PITPNC1: variants seen among roughly 807,000 people sequenced by gnomAD.
PITPNC1 encodes the protein cytoplasmic phosphatidylinositol transfer protein 1.
In PITPNC1, 18 loss-of-function variants were observed where a neutral mutation model predicts 44.7. The ratio of observed to expected loss-of-function variants is 0.40; its 90% CI spans 0.28 to 0.60. The LOEUF is 0.60. PITPNC1 is among the 20% of genes least tolerant of loss of function. The probability of loss-of-function intolerance (pLI) is 0.39; values close to 1 mark genes in which losing one functional copy is unlikely to be tolerated. For synonymous variants in PITPNC1, 141 were observed against 149.6 expected (o/e 0.94, Z 0.42); for missense variants, 290 against 418.4 (o/e 0.69, Z 2.68).
chr17:67,449,067 A>G (rs1362276348), intron 1 of PITPNC1, among the ~76,000 whole-genome samples: 1 of 152,232 alleles, frequency 6.6e-6, no homozygotes, highest in Admixed American at 6.5e-5. Context: ...ATGCTCAGCC[A>G]GGTACATTGA....
chr17:67,578,153 T>G (rs780340869), intron 4 of PITPNC1, 33 bp from the exon 5 acceptor site: 81 of 1,427,520 alleles, frequency 5.7e-5, no homozygotes, highest in Admixed American at 1.5e-4. Context: ...AGAAAAAATG[T>G]TATGCTAATG....
chr17:67,668,955 G>A (rs988831976), intron 6 of PITPNC1, among the ~76,000 whole-genome samples: 1 of 152,076 alleles, frequency 6.6e-6, no homozygotes, highest in Admixed American at 6.5e-5. Context: ...GTGGTTTTTC[G>A]CATATGCACA....
intron 1 of PITPNC1, chr17:67,471,562 G>T: frequency 5.2e-6 from 2 of 382,810 alleles, no homozygotes; most frequent in South Asian, 4.0e-5. Flanking sequence ...AATTACTTTT[G>T]CACCAACCTA....
chr17:67,383,111 T>C (rs2037989625), intron 1 of PITPNC1, among the ~76,000 whole-genome samples: 1 of 151,946 alleles, frequency 6.6e-6, no homozygotes, highest in South Asian at 2.1e-4. Flanking sequence ...TTCTCCTGCC[T>C]CAGCCTCCAG....
intron 1 of PITPNC1, among the ~76,000 whole-genome samples, chr17:67,391,372 AAC>A (rs762905294): frequency 3.9e-5 from 6 of 152,062 alleles, no homozygotes; most frequent in Admixed American, 1.3e-4. Context: ...CAGGCACAAA[AAC>A]ACACACATTC....
intron 1 of PITPNC1, among the ~76,000 whole-genome samples, chr17:67,488,581 A>G (rs2039816619): frequency 6.6e-6 from 1 of 152,256 alleles, no homozygotes; most frequent in South Asian, 2.1e-4. Context: ...AAATGGAGAT[A>G]AGACATGTAA....
intron 1 of PITPNC1, among the ~76,000 whole-genome samples, chr17:67,502,392 T>C (rs376749197): frequency 2.0e-5 from 3 of 152,166 alleles, no homozygotes; most frequent in Admixed American, 1.3e-4. Context: ...TTGGTTTAGA[T>C]GTATGCAAGT....
In PITPNC1 at chr17:67,445,583, C is replaced by T. The variant is rs114707874; in HGVS notation, c.48+67381C>T. On this transcript the variant is annotated intron_variant, in intron 1 of 8. Transcript: ENST00000581322. ...CCTTTAGTAGCAAAAGGAATTGTGA[C>T]AGGTGCATTTAAAGAAACTGTTACC... Among the ~76,000 whole-genome samples the T allele has an allele frequency of 3.5e-3, 533 of 152,126 alleles. 1 individual carries two copies. Among genetic ancestry groups the T allele is most frequent in the African/African-American group, 0.012 (484 of 41,524 alleles).
intron 5 of PITPNC1, among the ~76,000 whole-genome samples, chr17:67,614,823 G>A (rs1216565654): frequency 6.6e-6 from 1 of 151,938 alleles, no homozygotes; most frequent in African/African-American, 2.4e-5. Flanking sequence ...GAGCAGCCTG[G>A]GGAATATAGT....
At chr17:67,661,977 A>G (rs2042355134) in intron 6 of PITPNC1, among the ~76,000 whole-genome samples, 1 of 147,340 alleles carries the variant, frequency 6.8e-6, no homozygotes, top group Non-Finnish European at 1.5e-5. Flanking sequence ...CCTAGGCAAC[A>G]AAGTGCGACT....
chr17:67,550,017 C>T (rs952924453), intron 2 of PITPNC1, among the ~76,000 whole-genome samples: 2 of 152,138 alleles, frequency 1.3e-5, no homozygotes, highest in African/African-American at 2.4e-5. Flanking sequence ...ATTTCCTGCA[C>T]GCGAGCCAGT....
chr17:67,464,833 G>A (rs1162455507), intron 1 of PITPNC1, among the ~76,000 whole-genome samples: 6 of 151,568 alleles, frequency 4.0e-5, no homozygotes, highest in African/African-American at 1.5e-4. Context: ...TCTGCCTCTC[G>A]GGTCCAAGCA....
intron 1 of PITPNC1, chr17:67,379,121 G>C (rs1274074292): frequency 1.0e-6 from 1 of 985,876 alleles, no homozygotes; most frequent in Non-Finnish European, 1.2e-6. Context: ...CACGACTGCT[G>C]AGCGTCTCTG....
At chr17:67,512,231 G>T (rs1263407295) in intron 1 of PITPNC1, among the ~76,000 whole-genome samples, 1 of 152,194 alleles carries the variant, frequency 6.6e-6, no homozygotes. Flanking sequence ...GGGTGCAGTG[G>T]CTCACGCCTG....
intron 1 of PITPNC1, among the ~76,000 whole-genome samples, chr17:67,425,504 A>C (rs1598646168): frequency 1.0e-4 from 9 of 87,710 alleles, no homozygotes; most frequent in South Asian, 3.5e-4. Flanking sequence ...CTTCTCTCTC[A>C]TTCGCTATTT....
chr17:67,627,770 T>A (rs2041913314), intron 5 of PITPNC1, among the ~76,000 whole-genome samples: 1 of 152,166 alleles, frequency 6.6e-6, no homozygotes, highest in South Asian at 2.1e-4. Flanking sequence ...TGACTGGCCA[T>A]GTGACTTTGA....
chr17:67,696,289 T>C lies in PITPNC1; in HGVS notation c.*3401T>C, dbSNP rs555747962. ...ATAGATTCTGATACATCTCGATAAA[T>C]CATTCTCTGCAAAAGTTTCAGGGCT... is the stretch of plus-strand genomic sequence containing the variant. On this transcript the variant is annotated 3_prime_UTR_variant, in exon 9 of 9. Transcript: ENST00000581322. 1 of 152,252 alleles carries C rather than the reference T, an allele frequency of 6.6e-6. No individual in the cohort carries two copies. Among genetic ancestry groups the C allele is most frequent in the African/African-American group, 2.4e-5 (1 of 41,500 alleles). The allele number at this position is 152,252 out of a possible 1,614,324, so 9.4% of individuals were successfully genotyped here.
At chr17:67,664,999 A>G (rs183280423) in intron 6 of PITPNC1, among the ~76,000 whole-genome samples, 1 of 152,204 alleles carries the variant, frequency 6.6e-6, no homozygotes, top group East Asian at 1.9e-4. Context: ...GTATCCATCA[A>G]TCAGTTCATG....
intron 6 of PITPNC1, among the ~76,000 whole-genome samples, chr17:67,636,321 A>T (rs2642062): frequency 0.24 from 35,736 of 150,580 alleles, 5,228 homozygotes; most frequent in East Asian, 0.55. Flanking sequence ...CTGGCTCCAA[A>T]TGTCCATAGT....
Sources: gnomAD v4.1 joint callset for allele counts (sites outside exome capture counted in the v4.1 genomes callset) on GRCh38, gnomAD v4.1.1 for gene constraint, MANE v1.5 for transcripts, NCBI Gene and HGNC (gene_info 2026-07-23, HGNC 2026-07-21) for gene names.